CLVS2: variants seen among roughly 807,000 people sequenced by gnomAD.
CLVS2 encodes the protein clavesin-2.
In CLVS2, 19 loss-of-function variants were observed where a neutral mutation model predicts 29.0. The observed-to-expected ratio is 0.66, with a 90% confidence interval of 0.46 to 0.96. The LOEUF (loss-of-function observed/expected upper bound fraction) is 0.96, where lower values mean the gene tolerates loss of function less well. Ranked by LOEUF, CLVS2 falls within the 40% of genes least tolerant of loss-of-function variation. CLVS2 has a pLI of 0.00. For synonymous variants in CLVS2, 161 were observed against 151.3 expected, an observed-to-expected ratio of 1.06 and a Z score of -0.47; for missense variants, 294 against 404.1, an observed-to-expected ratio of 0.73 and a Z score of 2.34.
intron 3 of CLVS2, among the ~76,000 whole-genome samples, chr6:123,044,505 G>A (rs1249770770): frequency 6.6e-6 from 1 of 151,886 alleles, no homozygotes; most frequent in Non-Finnish European, 1.5e-5. Context: ...TGAGTGGGCA[G>A]GAGGGAAAGG....
Position 122,997,921 on chromosome 6 carries a change from C to T in CLVS2, c.144C>T (p.Arg48=), listed in dbSNP as rs920617684. ...VITRPDIGFL[R]TDDAFILRFL... ...CCAGGCCGGACATTGGCTTTCTGCG[C>T]ACGGATGATGCCTTCATCTTACGCT... Residue 48 remains arginine, a synonymous_variant, in exon 2 of 6, where the codon CGC becomes CGT. Transcript: ENST00000275162. The T allele has an allele frequency of 6.2e-7, 1 of 1,614,226 alleles. No homozygotes were observed. The highest frequency in any genetic ancestry group is 1.1e-5 in the South Asian group (1 of 91,082).
At chr6:123,008,326 T>G (rs982556773) in intron 2 of CLVS2, among the ~76,000 whole-genome samples, 2 of 152,270 alleles carry the variant, frequency 1.3e-5, no homozygotes, top group Non-Finnish European at 1.5e-5. Flanking sequence ...CATTGCTGAT[T>G]TTGGGATTTG....
At chr6:123,046,124 C>T (rs1261479512) in intron 3 of CLVS2, among the ~76,000 whole-genome samples, 1 of 152,084 alleles carries the variant, frequency 6.6e-6, no homozygotes, top group Non-Finnish European at 1.5e-5. Context: ...GACTTTGATG[C>T]CTGACAGGTG....
At chr6:123,026,630 G>A (rs550020182) in intron 3 of CLVS2, among the ~76,000 whole-genome samples, 13 of 152,192 alleles carry the variant, frequency 8.5e-5, no homozygotes, top group South Asian at 2.1e-4. Flanking sequence ...ATGCCTTAGA[G>A]AAAAATATCA....
rs184123123 is a variant in CLVS2 at position 123,067,785 on chromosome 6, A to G, written c.*4024A>G. On this transcript the variant is annotated 3_prime_UTR_variant, in exon 6 of 6. Coordinates refer to ENST00000275162, the MANE Select transcript of CLVS2 (RefSeq NM_001010852.4). ...GGCAGATTATAAACCAACATATTGG[A>G]ACAAAAGAAGATTGGTTAAATATGC... 77 of 151,892 alleles carry G rather than the reference A, an allele frequency of 5.1e-4. 2 individuals are homozygous for G. In the East Asian group the frequency reaches 0.012, roughly 24 times the overall value. The allele number at this position is 151,892 out of a possible 1,614,324, so 9.4% of individuals were successfully genotyped here.
Position 123,055,956 on chromosome 6 carries a change from T to A in CLVS2, c.826T>A (p.Tyr276Asn). 1 of 1,613,842 alleles carries A rather than the reference T, an allele frequency of 6.2e-7. No homozygotes were observed. The highest frequency in any genetic ancestry group is 8.5e-7 in the Non-Finnish European group (1 of 1,179,938). ...CCATGAATATGACGATGACAGCGAGTACAATGTAGACTCCTACAGCATGCC... is the reference window on the plus strand; with the variant it reads ...CCATGAATATGACGATGACAGCGAGAACAATGTAGACTCCTACAGCATGCC... ...LDHEYDDDSE[Y>N]NVDSYSMPVK... The change falls in exon 5 of 6, where the codon TAC (tyrosine) becomes AAC (asparagine). Residue 276 changes from tyrosine to asparagine, a missense_variant. Physicochemically the swap from Tyr to Asn is moderately radical, Grantham distance 143. Transcript: ENST00000275162.
chr6:123,048,775 C>A (rs2114354791), intron 4 of CLVS2, 43 bp downstream of exon 4: 2 of 1,210,724 alleles, frequency 1.7e-6, no homozygotes, highest in Non-Finnish European at 2.5e-6. Context: ...TTCCGCCATC[C>A]AATGAATTAT....
At position 123,068,212 on chromosome 6, in the gene CLVS2, T is replaced by A. The variant is rs1772892356; in HGVS notation, c.*4451T>A. The stretch of plus-strand genomic sequence containing the variant: ...TTTTTCAAGGAAGCAGGTGTACAAA[T>A]GATGCTATTGAAATAAAAAAATGTA... On this transcript the variant is annotated 3_prime_UTR_variant, in exon 6 of 6. Coordinates refer to ENST00000275162, the MANE Select transcript of CLVS2 (RefSeq NM_001010852.4). 1 of 151,320 alleles carries A rather than the reference T, an allele frequency of 6.6e-6. No homozygotes were observed. Among genetic ancestry groups the A allele is most frequent in the Admixed American group, 6.6e-5 (1 of 15,130 alleles). The allele number at this position is 151,320 out of a possible 1,614,324, so 9.4% of individuals were successfully genotyped here.
At chr6:123,043,574 A>C (rs982415790) in intron 3 of CLVS2, among the ~76,000 whole-genome samples, 4 of 152,172 alleles carry the variant, frequency 2.6e-5, no homozygotes, top group Admixed American at 2.6e-4. Flanking sequence ...TAAATAAGTA[A>C]ATTACGCATA....
In CLVS2 at chr6:123,072,313, A is replaced by G. The variant is rs924209451; in HGVS notation, c.*8552A>G. On this transcript the variant is annotated 3_prime_UTR_variant, in exon 6 of 6. Transcript: ENST00000275162. ...GAATAGATGTTTGAAACTGTTTCAG[A>G]AGTTAACCAGTCTTTTAGTGGCTTT... 1 of 152,090 alleles carries G rather than the reference A, an allele frequency of 6.6e-6. No homozygotes were observed. Among genetic ancestry groups the G allele is most frequent in the South Asian group, 2.1e-4 (1 of 4,828 alleles). 9.4% of individuals were successfully genotyped at this position (152,090 alleles called of 1,614,324 possible). A position where few individuals can be genotyped will look rare whatever the true frequency, so the allele number is the denominator to read the frequency against.
intron 3 of CLVS2, among the ~76,000 whole-genome samples, chr6:123,013,833 C>T (rs1269417092): frequency 1.3e-5 from 2 of 151,320 alleles, no homozygotes; most frequent in African/African-American, 4.9e-5. Context: ...ACAACAGGCT[C>T]CAGTGTGTGA....
intron 4 of CLVS2, among the ~76,000 whole-genome samples, chr6:123,055,157 G>C (rs1772674750): frequency 6.6e-6 from 1 of 152,068 alleles, no homozygotes; most frequent in African/African-American, 2.4e-5. Context: ...AGTCAGTATG[G>C]AAATCTTTAG....
chr6:123,009,407 A>G (rs1012272225), intron 2 of CLVS2, among the ~76,000 whole-genome samples: 3 of 152,162 alleles, frequency 2.0e-5, no homozygotes, highest in Non-Finnish European at 4.4e-5. Context: ...TTACAGGTGA[A>G]GAAATGAGGT....
Position 123,049,810 on chromosome 6 carries a change from GC to G in CLVS2, c.675+1079del, listed in dbSNP as rs59825818. On this transcript the variant is annotated intron_variant, in intron 4 of 5. Coordinates refer to ENST00000275162, the MANE Select transcript of CLVS2 (RefSeq NM_001010852.4). ...ACCGGGGCCTGTTGTGGGATGGGGG[GC>G]GGGGAGGAATAGCATTAGGAGATAT... Among the ~76,000 whole-genome samples, 1,123 of 131,708 alleles carry G rather than the reference GC, an allele frequency of 8.5e-3. 35 individuals carry two copies. Among genetic ancestry groups the G allele is most frequent in the African/African-American group, 0.043 (1,065 of 24,868 alleles). 86.4% of individuals were successfully genotyped at this position (131,708 alleles called of 152,430 possible). A position where few individuals can be genotyped will look rare whatever the true frequency, so the allele number is the denominator to read the frequency against.
At chr6:123,056,226 C>T (rs1772691333) in intron 5 of CLVS2, among the ~76,000 whole-genome samples, 200 bp downstream of exon 5, 1 of 152,130 alleles carries the variant, frequency 6.6e-6, no homozygotes, top group African/African-American at 2.4e-5. Flanking sequence ...AAAATTTATT[C>T]TCTTAGCGGT....
rs1772944675 is a variant in CLVS2 at position 123,071,304 on chromosome 6, G to A, written c.*7543G>A. On this transcript the variant is annotated 3_prime_UTR_variant, in exon 6 of 6. Transcript: ENST00000275162. ...AAAATTTTGTTATTTATCTTCAAAG[G>A]GGAAATTTTACCCTCTCATGATAAT... 1 of 151,864 alleles carries A rather than the reference G, an allele frequency of 6.6e-6. No homozygotes were observed. Among genetic ancestry groups the A allele is most frequent in the Non-Finnish European group, 1.5e-5 (1 of 67,882 alleles). 9.4% of individuals were successfully genotyped at this position (151,864 alleles called of 1,614,324 possible).
At chr6:123,054,206 G>A (rs1045482464) in intron 4 of CLVS2, among the ~76,000 whole-genome samples, 3 of 152,094 alleles carry the variant, frequency 2.0e-5, no homozygotes, top group Admixed American at 6.5e-5. Context: ...ATAAAATAAG[G>A]GTTGCATGTG....
In CLVS2 at chr6:122,997,600, G is replaced by A. The variant is rs1774527882; in HGVS notation, c.-178G>A. On this transcript the variant is annotated 5_prime_UTR_variant, in exon 2 of 6. Coordinates refer to ENST00000275162, the MANE Select transcript of CLVS2 (RefSeq NM_001010852.4). ...CCCCCCGGCCCCCCCAGCTTTGCTG[G>A]GGGAAAGCAGGAGCAACAGGGCACT... 1 of 645,558 alleles carries A rather than the reference G, an allele frequency of 1.5e-6. No individual in the cohort carries two copies. The highest frequency in any genetic ancestry group is 2.8e-5 in the East Asian group (1 of 36,140). 40.0% of individuals were successfully genotyped at this position (645,558 alleles called of 1,614,324 possible). A position where few individuals can be genotyped will look rare whatever the true frequency, so the allele number is the denominator to read the frequency against.
chr6:123,003,382 T>C (rs777746813), intron 2 of CLVS2, among the ~76,000 whole-genome samples: 19 of 152,228 alleles, frequency 1.2e-4, no homozygotes, highest in African/African-American at 4.3e-4. Context: ...TTATCCTTAG[T>C]AAATTAATAC....
Sources: gnomAD v4.1 joint callset for allele counts (sites outside exome capture counted in the v4.1 genomes callset) on GRCh38, gnomAD v4.1.1 for gene constraint, MANE v1.5 for transcripts, NCBI Gene and HGNC (gene_info 2026-07-23, HGNC 2026-07-21) for gene names.